Variants in TBC1D1 observed in about 807,000 individuals in gnomAD.
The protein encoded by TBC1D1 is TBC1 domain family member 1.
Under a neutral mutation model 125.6 loss-of-function variants are expected in TBC1D1, and 89 were observed. The observed-to-expected ratio is 0.71, with a 90% CI of 0.60 to 0.85. The LOEUF (loss-of-function observed/expected upper bound fraction) is 0.85, where lower values mean the gene tolerates loss of function less well. Ranked by LOEUF, TBC1D1 falls within the 40% of genes least tolerant of loss-of-function variation. The pLI is 0.00. For synonymous variants in TBC1D1, 565 were observed against 564.1 expected (o/e 1.00, Z -0.02); for missense variants, 1,377 against 1,469.2 (o/e 0.94, Z 1.03).
intron 13 of TBC1D1, among the ~76,000 whole-genome samples, chr4:38,090,631 A>G (rs1033275882): frequency 2.0e-5 from 3 of 152,252 alleles, no homozygotes; most frequent in Non-Finnish European, 4.4e-5. Context: ...TATGACATGA[A>G]CTTTGAAAGT....
At chr4:37,968,677 G>T (rs1016864073) in intron 2 of TBC1D1, among the ~76,000 whole-genome samples, 5 of 152,148 alleles carry the variant, frequency 3.3e-5, no homozygotes, top group African/African-American at 1.2e-4. Flanking sequence ...TCTGAAGACG[G>T]TCTTCAAATA....
chr4:38,055,397 T>G (rs184271782), intron 12 of TBC1D1, among the ~76,000 whole-genome samples: 1 of 152,354 alleles, frequency 6.6e-6, no homozygotes, highest in Admixed American at 6.5e-5. Flanking sequence ...TAATTATGCC[T>G]GTTGCCACAC....
At chr4:37,949,944 C>A in intron 2 of TBC1D1, among the ~76,000 whole-genome samples, 1 of 152,118 alleles carries the variant, frequency 6.6e-6, no homozygotes, top group East Asian at 1.9e-4. Flanking sequence ...GAGTTGAACC[C>A]CAGTTGCACC....
At chr4:38,130,798 T>C (rs1765463375) in intron 18 of TBC1D1, among the ~76,000 whole-genome samples, 4 of 152,242 alleles carry the variant, frequency 2.6e-5, no homozygotes. Context: ...TAGTTTTTAA[T>C]ATTCGTCTGT....
At chr4:37,996,047 A>G (rs1737729563) in intron 2 of TBC1D1, 2 of 515,430 alleles carry the variant, frequency 3.9e-6, no homozygotes, top group Non-Finnish European at 7.8e-6. Flanking sequence ...TCAGGCAGCT[A>G]CAATGAGGGA....
intron 2 of TBC1D1, among the ~76,000 whole-genome samples, chr4:37,925,733 C>T (rs934652797): frequency 5.5e-5 from 8 of 144,506 alleles, no homozygotes; most frequent in African/African-American, 2.0e-4. Context: ...TCATTGCAGA[C>T]AATTTGGAAA....
At chr4:38,074,907 C>T (rs972362077) in intron 12 of TBC1D1, among the ~76,000 whole-genome samples, 3 of 152,028 alleles carry the variant, frequency 2.0e-5, no homozygotes, top group African/African-American at 7.2e-5. Flanking sequence ...ATTGCAGGCA[C>T]GCGCCACCAT....
At chr4:37,955,170 C>CT (rs1176951069) in intron 2 of TBC1D1, among the ~76,000 whole-genome samples, 1 of 152,004 alleles carries the variant, frequency 6.6e-6, no homozygotes, top group Non-Finnish European at 1.5e-5. Flanking sequence ...CATGTATAAT[C>CT]TAATAAATTT....
chr4:38,115,621 T>A (rs1762857910), intron 15 of TBC1D1, 89 bp from the exon 18 acceptor site: 1 of 1,405,532 alleles, frequency 7.1e-7, no homozygotes, highest in African/African-American at 1.4e-5. Flanking sequence ...AAGATTTTGC[T>A]GCTTAATCTG....
chr4:37,897,971 A>G (rs1387726335), intron 1 of TBC1D1, among the ~76,000 whole-genome samples: 1 of 152,208 alleles, frequency 6.6e-6, no homozygotes, highest in Non-Finnish European at 1.5e-5. Context: ...ACTTTCATGA[A>G]ATGCCTGAGC....
At chr4:38,109,049 G>A (rs1761805851) in intron 15 of TBC1D1, among the ~76,000 whole-genome samples, 1 of 152,194 alleles carries the variant, frequency 6.6e-6, no homozygotes, top group Admixed American at 6.5e-5. Flanking sequence ...TGCTGGCGGG[G>A]ACCACAGTGT....
At position 38,125,461 on chromosome 4, in the gene TBC1D1, A is replaced by G. The variant is rs143346259; in HGVS notation, c.3132+330A>G. ...ATATATATATTTATGCAATGATGCA[A>G]TGTAGGGTTTTGTACATTGAGTGCT... On this transcript the variant is annotated intron_variant, in intron 18 of 19. Transcript: ENST00000261439. 1.8e-3 allele frequency among the ~76,000 whole-genome samples: 273 copies of G among 152,320 alleles called. 1 individual carries two copies. Among genetic ancestry groups the G allele is most frequent in the African/African-American group, 6.2e-3 (256 of 41,576 alleles).
rs928755368 is a variant in TBC1D1, at chr4:38,081,132, C to G, written c.2051-8800C>G. ...GTTGCTGGCCCCTCATAGGCTGTCC[C>G]AGACCTCTTTGACTTCTCTCCTTTC... On this transcript the variant is annotated intron_variant, in intron 12 of 19. Coordinates refer to ENST00000261439, the MANE Select transcript of TBC1D1 (RefSeq NM_015173.4). 4.6e-5 allele frequency among the ~76,000 whole-genome samples: 7 copies of G among 152,270 alleles called. No individual in the cohort carries two copies. In the East Asian group the frequency reaches 1.2e-3, roughly 25 times the overall value.
intron 11 of TBC1D1, 52 bp downstream of exon 11, chr4:38,049,950 AG>A: frequency 6.4e-7 from 1 of 1,552,290 alleles, no homozygotes; most frequent in Middle Eastern, 1.7e-4. Flanking sequence ...ATCTGTGACT[AG>A]CCAGGTATGT....
intron 2 of TBC1D1, among the ~76,000 whole-genome samples, chr4:37,998,377 C>A (rs1738278391): frequency 6.6e-6 from 1 of 152,204 alleles, no homozygotes; most frequent in Non-Finnish European, 1.5e-5. Flanking sequence ...CTCTCCCCAG[C>A]AGCCCTGGTG....
At chr4:37,958,344 G>T (rs949888323) in intron 2 of TBC1D1, among the ~76,000 whole-genome samples, 1 of 152,142 alleles carries the variant, frequency 6.6e-6, no homozygotes, top group Non-Finnish European at 1.5e-5. Flanking sequence ...ACCATATCTG[G>T]TCCCAGATGA....
intron 2 of TBC1D1, among the ~76,000 whole-genome samples, chr4:38,002,879 TAAG>T (rs1024953244): frequency 2.0e-5 from 3 of 152,166 alleles, no homozygotes; most frequent in Admixed American, 2.0e-4. Flanking sequence ...ACTGAAATGT[TAAG>T]AAAGCAGATG....
intron 2 of TBC1D1, among the ~76,000 whole-genome samples, chr4:37,990,158 G>T (rs985881872): frequency 3.3e-5 from 5 of 152,158 alleles, no homozygotes; most frequent in East Asian, 1.9e-4. Context: ...CTGGTCTATT[G>T]TGACAGTCTC....
At position 37,972,481 on chromosome 4, in the gene TBC1D1, CA is replaced by C. The variant is rs74577993; in HGVS notation, c.418-42009del. Among the ~76,000 whole-genome samples the C allele has an allele frequency of 5.6e-3, 546 of 98,056 alleles. 2 individuals are homozygous for C. The highest frequency in any genetic ancestry group is 8.4e-3 in the African/African-American group (212 of 25,386). The allele number at this position is 98,056 out of a possible 152,430, so 64.3% of individuals were successfully genotyped here. A position where few individuals can be genotyped will look rare whatever the true frequency, so the allele number is the denominator to read the frequency against. On this transcript the variant is annotated intron_variant, in intron 2 of 19. Coordinates refer to ENST00000261439, the MANE Select transcript of TBC1D1 (RefSeq NM_015173.4). Reference sequence around the variant, plus strand: ...GGGCAACAAAAGGGAAACGCCGTTTCAAAAAAAAAAAAAAAAAAAGATTACT... The same window carrying C: ...GGGCAACAAAAGGGAAACGCCGTTTCAAAAAAAAAAAAAAAAAAGATTACT...
Sources: allele counts gnomAD v4.1 joint callset (sites outside exome capture counted in the v4.1 genomes callset), GRCh38; gene constraint gnomAD v4.1.1; transcripts MANE v1.5; gene names NCBI Gene and HGNC (gene_info 2026-07-23, HGNC 2026-07-21).